Variants in THSD7A observed in about 807,000 individuals in gnomAD.
THSD7A encodes thrombospondin type 1 domain containing 7A.
THSD7A carries 96 observed loss-of-function variants against 231.3 expected under a neutral mutation model. That is an observed-to-expected ratio of 0.41 (90% CI 0.35 to 0.49). THSD7A has a LOEUF of 0.49. THSD7A is among the 20% of genes least tolerant of loss of function. The probability of loss-of-function intolerance (pLI) is 0.05; values close to 1 mark genes in which losing one functional copy is unlikely to be tolerated. For missense variants in THSD7A, 2,290 were observed against 2,070.2 expected, an observed-to-expected ratio of 1.11 and a Z score of -2.06; for synonymous variants, 940 against 743.3, an observed-to-expected ratio of 1.26 and a Z score of -4.30.
intron 1 of THSD7A, among the ~76,000 whole-genome samples, chr7:11,745,203 A>C (rs4486080): frequency 6.6e-6 from 1 of 151,604 alleles, no homozygotes; most frequent in Non-Finnish European, 1.5e-5. Context: ...GTGATGATGA[A>C]CATTTTTTCA....
chr7:11,771,038 ATTCT>A (rs1783210129), intron 1 of THSD7A, among the ~76,000 whole-genome samples: 1 of 151,288 alleles, frequency 6.6e-6, no homozygotes, highest in Non-Finnish European at 1.5e-5. Flanking sequence ...TATCTCATAC[ATTCT>A]TTCTTTAAAA....
chr7:11,767,894 A>G (rs1783082026), intron 1 of THSD7A, among the ~76,000 whole-genome samples: 1 of 152,202 alleles, frequency 6.6e-6, no homozygotes, highest in Non-Finnish European at 1.5e-5. Flanking sequence ...TCAAGGAATA[A>G]GGACTTAGAA....
intron 1 of THSD7A, among the ~76,000 whole-genome samples, chr7:11,645,149 C>T (rs901176063): frequency 2.2e-4 from 33 of 151,652 alleles, no homozygotes; most frequent in African/African-American, 8.0e-4. Flanking sequence ...ATGAATATGC[C>T]CAAATCCACT....
At chr7:11,458,416 C>T (rs1444121050) in intron 11 of THSD7A, among the ~76,000 whole-genome samples, 3 of 152,048 alleles carry the variant, frequency 2.0e-5, no homozygotes, top group African/African-American at 7.2e-5. Context: ...TTCATCTACT[C>T]AGGAAACAAA....
Position 11,758,950 on chromosome 7 carries a change from C to T in THSD7A, c.190+72807G>A, listed in dbSNP as rs1782770934. On this transcript the variant is annotated intron_variant, in intron 1 of 27. Coordinates refer to ENST00000423059, the MANE Select transcript of THSD7A (RefSeq NM_015204.3). ...CAGCAGGCTGAAATTGTTCTGCAGG[C>T]TGTAGTTTGCTAAGCCTGGTCAAAA... Among the ~76,000 whole-genome samples the T allele has an allele frequency of 2.6e-5, 4 of 152,024 alleles. No homozygotes were observed. The South Asian group carries it at 8.3e-4, about 32-fold the overall frequency.
At chr7:11,726,911 C>T (rs1781566454) in intron 1 of THSD7A, among the ~76,000 whole-genome samples, 2 of 151,930 alleles carry the variant, frequency 1.3e-5, no homozygotes, top group Admixed American at 1.3e-4. Context: ...GGTCCTGGCC[C>T]AGTCTCTCTC....
intron 4 of THSD7A, among the ~76,000 whole-genome samples, chr7:11,568,961 A>G (rs904226415): frequency 6.8e-6 from 1 of 147,956 alleles, no homozygotes; most frequent in Non-Finnish European, 1.5e-5. Flanking sequence ...AGAAATCAAG[A>G]AAGCAATCCC....
intron 2 of THSD7A, among the ~76,000 whole-genome samples, chr7:11,609,356 A>G (rs1780843442): frequency 6.6e-6 from 1 of 152,170 alleles, no homozygotes; most frequent in Admixed American, 6.6e-5. Context: ...TTCATGGGAC[A>G]CAATGTAATA....
At chr7:11,487,310 G>A (rs753996594) in intron 6 of THSD7A, among the ~76,000 whole-genome samples, 5 of 152,000 alleles carry the variant, frequency 3.3e-5, no homozygotes, top group Non-Finnish European at 5.9e-5. Flanking sequence ...CACAAAATGA[G>A]AACTGAGATC....
intron 1 of THSD7A, among the ~76,000 whole-genome samples, chr7:11,677,628 C>T (rs1340626221): frequency 1.6e-5 from 2 of 125,824 alleles, no homozygotes; most frequent in East Asian, 2.4e-4. Flanking sequence ...GGGTTGCAAT[C>T]CTAGTCTCTG....
At chr7:11,713,046 C>A (rs1282176531) in intron 1 of THSD7A, among the ~76,000 whole-genome samples, 2 of 151,132 alleles carry the variant, frequency 1.3e-5, no homozygotes, top group Non-Finnish European at 3.0e-5. Context: ...CATGCATATG[C>A]AAAGAGTGAT....
At chr7:11,741,867 C>T (rs566660086) in intron 1 of THSD7A, among the ~76,000 whole-genome samples, 4 of 152,038 alleles carry the variant, frequency 2.6e-5, no homozygotes, top group African/African-American at 9.6e-5. Context: ...TACCATTTAA[C>T]TGCTTCCAAA....
chr7:11,609,539 A>T (rs1562767039), intron 2 of THSD7A, among the ~76,000 whole-genome samples: 1 of 152,158 alleles, frequency 6.6e-6, no homozygotes, highest in Non-Finnish European at 1.5e-5. Context: ...AACTGGGGGC[A>T]ATTCTGCTTC....
chr7:11,580,462 T>C (rs1791106494), intron 4 of THSD7A, among the ~76,000 whole-genome samples: 1 of 152,150 alleles, frequency 6.6e-6, no homozygotes, highest in Admixed American at 6.6e-5. Context: ...CACAAAGCTA[T>C]AACTTCAAGG....
chr7:11,659,081 T>G (rs760433030), intron 1 of THSD7A, among the ~76,000 whole-genome samples: 16 of 151,686 alleles, frequency 1.1e-4, no homozygotes, highest in Non-Finnish European at 1.9e-4. Context: ...CTATCTTTAA[T>G]TAATCTCCAA....
At chr7:11,511,951 A>C (rs554724529) in intron 6 of THSD7A, among the ~76,000 whole-genome samples, 2 of 152,314 alleles carry the variant, frequency 1.3e-5, no homozygotes, top group South Asian at 4.1e-4. Flanking sequence ...AATTAAACTA[A>C]AGAGCTTCTG....
intron 3 of THSD7A, among the ~76,000 whole-genome samples, chr7:11,591,708 T>C (rs528699268): frequency 6.6e-6 from 1 of 152,256 alleles, no homozygotes; most frequent in Admixed American, 6.5e-5. Context: ...AAACAACACC[T>C]GACATTAATT....
chr7:11,370,668 A>T lies in THSD7A; in HGVS notation c.*5126T>A, dbSNP rs1427378856. On this transcript the variant is annotated 3_prime_UTR_variant, in exon 28 of 28. Transcript: ENST00000423059. Reference sequence around the variant, plus strand: ...ATTACATTACGCAATTTACAAAGTAATATTAACAAAAATTCTTAGACAGCT... The same window carrying T: ...ATTACATTACGCAATTTACAAAGTATTATTAACAAAAATTCTTAGACAGCT... 2 of 152,188 alleles carry T rather than the reference A, an allele frequency of 1.3e-5. No homozygotes were observed. Among genetic ancestry groups the T allele is most frequent in the African/African-American group, 4.8e-5 (2 of 41,462 alleles). 9.4% of individuals were successfully genotyped at this position (152,188 alleles called of 1,614,324 possible).
chr7:11,764,019 T>C (rs1269433281), intron 1 of THSD7A, among the ~76,000 whole-genome samples: 1 of 152,172 alleles, frequency 6.6e-6, no homozygotes, highest in Non-Finnish European at 1.5e-5. Flanking sequence ...CATCATCCTT[T>C]CTCTGTTTTT....
Sources: gnomAD v4.1 joint callset for allele counts (sites outside exome capture counted in the v4.1 genomes callset) on GRCh38, gnomAD v4.1.1 for gene constraint, MANE v1.5 for transcripts, NCBI Gene and HGNC (gene_info 2026-07-23, HGNC 2026-07-21) for gene names.